Variants in SLC34A2 observed in about 807,000 individuals in gnomAD.
SLC34A2 encodes the protein solute carrier family 34 member 2.
SLC34A2 carries 41 observed loss-of-function variants against 50.8 expected under a neutral mutation model. The observed-to-expected ratio is 0.81, with a 90% CI of 0.63 to 1.05. The LOEUF (loss-of-function observed/expected upper bound fraction) is 1.05. Ranked by LOEUF, SLC34A2 falls within the 50% of genes least tolerant of loss-of-function variation. SLC34A2 has a pLI of 0.00. For missense variants in SLC34A2, 879 were observed against 876.7 expected, an observed-to-expected ratio of 1.00 and a Z score of -0.03; for synonymous variants, 401 against 364.2, an observed-to-expected ratio of 1.10 and a Z score of -1.15.
At chr4:25,668,861 A>T (rs1714656304) in intron 6 of SLC34A2, among the ~76,000 whole-genome samples, 1 of 150,168 alleles carries the variant, frequency 6.7e-6, no homozygotes, top group African/African-American at 2.4e-5. Flanking sequence ...TAATGTGAAA[A>T]TTAAGTGTTT....
chr4:25,667,328 A>G (rs1714551367), intron 5 of SLC34A2, among the ~76,000 whole-genome samples: 1 of 152,138 alleles, frequency 6.6e-6, no homozygotes, highest in South Asian at 2.1e-4. Context: ...CCTGACCAAC[A>G]CGGTGAAACC....
At chr4:25,673,360 C>A in intron 10 of SLC34A2, 106 bp downstream of exon 10, 1 of 1,102,382 alleles carries the variant, frequency 9.1e-7, no homozygotes, top group East Asian at 2.4e-5. Flanking sequence ...GAGTTTCTCT[C>A]TCAGATTGGA....
intron 1 of SLC34A2, among the ~76,000 whole-genome samples, chr4:25,661,086 C>T (rs1399593446): frequency 6.6e-6 from 1 of 152,222 alleles, no homozygotes; most frequent in East Asian, 1.9e-4. Context: ...GTGGTTCTAA[C>T]AAAGGATGAT....
At chr4:25,675,608 C>T (rs557641001) in intron 12 of SLC34A2, among the ~76,000 whole-genome samples, 1 of 152,308 alleles carries the variant, frequency 6.6e-6, no homozygotes, top group Non-Finnish European at 1.5e-5. Context: ...TGTATTTGAT[C>T]TAAACCATTA....
intron 9 of SLC34A2, among the ~76,000 whole-genome samples, chr4:25,672,169 T>C (rs1156889133): frequency 6.6e-6 from 1 of 152,164 alleles, no homozygotes; most frequent in East Asian, 1.9e-4. Context: ...ACCCTGTTTC[T>C]ACTAAAAATA....
chr4:25,669,521 G>A, intron 6 of SLC34A2, 126 bp from the exon 7 acceptor site: 1 of 858,446 alleles, frequency 1.2e-6, no homozygotes, highest in Non-Finnish European at 2.0e-6. Flanking sequence ...ATGAGATTGT[G>A]TACATGTGCA....
In SLC34A2 at chr4:25,669,658, G is replaced by A. The variant is rs774765778; in HGVS notation, c.647G>A (p.Gly216Glu). 1 of 1,613,946 alleles carries A rather than the reference G, an allele frequency of 6.2e-7. No homozygotes were observed. The highest frequency in any genetic ancestry group is 8.5e-7 in the Non-Finnish European group (1 of 1,180,034). ...TTTCCCTCCCATAGAGCTTTTGCAG[G>A]AGCCACTGTCCATGACTTCTTCAAC... ...DRSEFRRAFAGATVHDFFNWL... is the reference protein window; with the variant it reads ...DRSEFRRAFAEATVHDFFNWL... Residue 216 changes from glycine (G) to glutamate (E), a missense_variant, in exon 7 of 13, where the codon GGA (glycine) becomes GAA (glutamate). By Grantham distance (98) the Gly-to-Glu change is moderately conservative. Coordinates refer to ENST00000382051, the MANE Select transcript of SLC34A2 (RefSeq NM_006424.3).
chr4:25,676,677 C>G lies in SLC34A2; in HGVS notation c.2001C>G (p.Asn667Lys). Residue 667 changes from asparagine (N) to lysine (K), a missense_variant, in exon 13 of 13, where the codon AAC becomes AAG. Transcript: ENST00000382051. The part of the protein sequence containing the change: ...VPVKAPETFD[N>K]ITISREAQGE... ...TCAAGGCTCCTGAGACCTTTGATAA[C>G]ATAACCATTAGCAGAGAGGCTCAGG... 1 of 1,614,198 alleles carries G rather than the reference C, an allele frequency of 6.2e-7. No individual in the cohort carries two copies. The highest frequency in any genetic ancestry group is 8.5e-7 in the Non-Finnish European group (1 of 1,180,020).
chr4:25,668,907 G>GT (rs1343657925), intron 6 of SLC34A2, among the ~76,000 whole-genome samples: 2,235 of 139,338 alleles, frequency 0.016, 47 homozygotes, highest in African/African-American at 0.041. Context: ...TTTTTTTTCA[G>GT]TTTTTTTTTA....
intron 10 of SLC34A2, 75 bp downstream of exon 10, chr4:25,673,329 T>G: frequency 7.5e-7 from 1 of 1,339,376 alleles, no homozygotes; most frequent in South Asian, 1.2e-5. Flanking sequence ...TAGATTCCCA[T>G]CTAGCAATGG....
intron 3 of SLC34A2, 44 bp downstream of exon 3, chr4:25,662,886 G>A (rs1001709890): frequency 6.8e-6 from 11 of 1,608,710 alleles, no homozygotes; most frequent in Non-Finnish European, 9.4e-6. Context: ...GAAACTTCCT[G>A]TGGTTCACGG....
chr4:25,658,818 C>A (rs990336878), intron 1 of SLC34A2, among the ~76,000 whole-genome samples: 9 of 152,136 alleles, frequency 5.9e-5, no homozygotes, highest in Non-Finnish European at 1.3e-4. Context: ...GCAGTGGTTG[C>A]GCCAGGGCTA....
chr4:25,656,876 TGTC>T (rs1321124461), intron 1 of SLC34A2, among the ~76,000 whole-genome samples: 1 of 152,234 alleles, frequency 6.6e-6, no homozygotes, highest in East Asian at 1.9e-4. Context: ...CTCTGGGCCT[TGTC>T]GTTCTTTCCT....
Position 25,664,275 on chromosome 4 carries a change from C to G in SLC34A2, c.324C>G (p.Leu108=). Residue 108 remains leucine (L), a synonymous_variant, in exon 4 of 13, where the codon CTC becomes CTG. Coordinates refer to ENST00000382051, the MANE Select transcript of SLC34A2 (RefSeq NM_006424.3). ...IGRLILLLGF[L]YFFVCSLDIL... Reference sequence around the variant, plus strand: ...GATTGATTTTACTTCTCGGATTTCTCTACTTTTTCGTGTGCTCCCTGGATA... The same window carrying G: ...GATTGATTTTACTTCTCGGATTTCTGTACTTTTTCGTGTGCTCCCTGGATA... 1 of 1,612,712 alleles carries G rather than the reference C, an allele frequency of 6.2e-7. No homozygotes were observed. Among genetic ancestry groups the G allele is most frequent in the East Asian group, 2.2e-5 (1 of 44,796 alleles).
chr4:25,664,462 T>C, intron 4 of SLC34A2, 132 bp downstream of exon 4: 2 of 943,784 alleles, frequency 2.1e-6, no homozygotes, highest in Non-Finnish European at 3.4e-6. Flanking sequence ...CGACCTCAGA[T>C]CATTTATGAA....
intron 7 of SLC34A2, 49 bp downstream of exon 7, chr4:25,669,891 A>G (rs113500798): frequency 1.2e-5 from 17 of 1,465,232 alleles, no homozygotes; most frequent in Admixed American, 1.7e-5. Context: ...CCTACCCACA[A>G]CATCCCCTAC....
Position 25,662,690 on chromosome 4 carries a change from T to A in SLC34A2, c.113-15T>A. The A allele has an allele frequency of 2.5e-6, 4 of 1,614,022 alleles. No individual in the cohort carries two copies. Among genetic ancestry groups the A allele is most frequent in the Non-Finnish European group, 3.4e-6 (4 of 1,180,000 alleles). On this transcript the variant is annotated splice_polypyrimidine_tract_variant and intron_variant, in intron 2 of 12. Transcript: ENST00000382051. ...CTCAGGTCTGATTCCTCATTACCCCTTTTGCTTGTTTCAGCAGATAACACT... is the reference window on the plus strand; with the variant it reads ...CTCAGGTCTGATTCCTCATTACCCCATTTGCTTGTTTCAGCAGATAACACT...
chr4:25,674,309 C>T lies in SLC34A2; in HGVS notation c.1230C>T (p.Pro410=), dbSNP rs1474230942. ...KKTINTDFPF[P]FAWLTGYLAI... ...TCTGTCTTCCAGATTTCCCCTTTCC[C>T]TTTGCATGGTTGACTGGCTACCTGG... is the stretch of plus-strand genomic sequence containing the variant. Residue 410 remains proline (P), a synonymous_variant, in exon 11 of 13, where the codon CCC becomes CCT. Coordinates refer to ENST00000382051, the MANE Select transcript of SLC34A2 (RefSeq NM_006424.3). 6 of 1,613,920 alleles carry T rather than the reference C, an allele frequency of 3.7e-6. No individual in the cohort carries two copies. Among genetic ancestry groups the T allele is most frequent in the Non-Finnish European group, 5.1e-6 (6 of 1,179,920 alleles).
At chr4:25,665,457 C>T (rs536801420) in intron 4 of SLC34A2, among the ~76,000 whole-genome samples, 6 of 152,042 alleles carry the variant, frequency 3.9e-5, no homozygotes, top group East Asian at 1.9e-4. Context: ...TGTGAGCCAC[C>T]GTGCCTGGCC....
Sources: gnomAD v4.1 joint callset for allele counts (sites outside exome capture counted in the v4.1 genomes callset) on GRCh38, gnomAD v4.1.1 for gene constraint, MANE v1.5 for transcripts, NCBI Gene and HGNC (gene_info 2026-07-23, HGNC 2026-07-21) for gene names.